CEP57: variants seen among roughly 807,000 people sequenced by gnomAD.
CEP57 encodes the protein centrosomal protein 57, also known as centrosomal protein of 57 kDa.
In CEP57, 40 loss-of-function variants were observed where a neutral mutation model predicts 68.0. That is an observed-to-expected ratio of 0.59 (90% confidence interval 0.46 to 0.77). The LOEUF is 0.77. CEP57 is among the 30% of genes least tolerant of loss of function. The probability of loss-of-function intolerance (pLI) is 0.00; values close to 1 mark genes in which losing one functional copy is unlikely to be tolerated. For missense variants in CEP57, 606 were observed against 580.7 expected (o/e 1.04, Z -0.45); for synonymous variants, 219 against 198.7 (o/e 1.10, Z -0.86).
At chr11:95,808,685 A>G (rs990500639) in intron 2 of CEP57, among the ~76,000 whole-genome samples, 20 of 152,232 alleles carry the variant, frequency 1.3e-4, no homozygotes, top group African/African-American at 4.8e-4. Context: ...CCAATACAGG[A>G]GCACCCAGAT....
At chr11:95,793,591 G>A (rs937493888) in intron 1 of CEP57, among the ~76,000 whole-genome samples, 1 of 151,952 alleles carries the variant, frequency 6.6e-6, no homozygotes, top group Admixed American at 6.6e-5. Flanking sequence ...CCACTACCAC[G>A]TATTTTAAGA....
chr11:95,812,822 C>A, intron 2 of CEP57, 110 bp from the exon 3 acceptor site: 2 of 924,904 alleles, frequency 2.2e-6, no homozygotes, highest in African/African-American at 1.6e-5. Context: ...TGATCCTCCA[C>A]TGGACTCATC....
At chr11:95,793,403 T>C (rs1365169978) in intron 1 of CEP57, among the ~76,000 whole-genome samples, 1 of 15,784 alleles carries the variant, frequency 6.3e-5, no homozygotes, top group Non-Finnish European at 1.2e-4. Flanking sequence ...TCTTGATTTG[T>C]CCCTCTGACT....
Position 95,794,763 on chromosome 11 carries a change from A to G in CEP57, c.45+4020A>G, listed in dbSNP as rs185407279. On this transcript the variant is annotated intron_variant, in intron 1 of 10. Transcript: ENST00000325542. ...TGTTTAAGAAATTCTTCCTTTCTCCAAGGCCTTGGTTGTATTCTTCTATAT... is the reference window on the plus strand; with the variant it reads ...TGTTTAAGAAATTCTTCCTTTCTCCGAGGCCTTGGTTGTATTCTTCTATAT... Among the ~76,000 whole-genome samples, 916 of 151,988 alleles carry G rather than the reference A, an allele frequency of 6.0e-3. 6 individuals are homozygous for G. Among genetic ancestry groups the G allele is most frequent in the Non-Finnish European group, 8.6e-3 (585 of 67,928 alleles).
intron 4 of CEP57, among the ~76,000 whole-genome samples, chr11:95,814,357 A>ATTT (rs1170474932): frequency 4.4e-4 from 48 of 109,918 alleles, no homozygotes; most frequent in Admixed American, 1.5e-3. Context: ...CCTTGTGTGT[A>ATTT]TTTTTTTTTT....
chr11:95,806,879 C>G (rs1196221738), intron 2 of CEP57, among the ~76,000 whole-genome samples: 1 of 152,110 alleles, frequency 6.6e-6, no homozygotes, highest in African/African-American at 2.4e-5. Flanking sequence ...AGTGGTTTTC[C>G]CAGCACGGAG....
intron 2 of CEP57, among the ~76,000 whole-genome samples, chr11:95,800,593 T>C (rs1861535676): frequency 6.6e-6 from 1 of 152,152 alleles, no homozygotes; most frequent in South Asian, 2.1e-4. Context: ...GGTTTCACCA[T>C]GTTGGCCCAG....
At chr11:95,797,230 A>C (rs563646910) in intron 1 of CEP57, among the ~76,000 whole-genome samples, 1 of 138,964 alleles carries the variant, frequency 7.2e-6, no homozygotes, top group Non-Finnish European at 1.5e-5. Context: ...GCAGTGGCCC[A>C]ATCTTGGCTC....
intron 2 of CEP57, among the ~76,000 whole-genome samples, chr11:95,802,289 C>A (rs184527840): frequency 1.4e-5 from 2 of 146,702 alleles, no homozygotes; most frequent in African/African-American, 5.0e-5. Flanking sequence ...CAGTCTCACT[C>A]TGTCACCCAG....
At chr11:95,817,957 A>G (rs1862369600) in intron 5 of CEP57, 54 bp downstream of exon 5, 3 of 1,033,796 alleles carry the variant, frequency 2.9e-6, no homozygotes, top group Non-Finnish European at 4.6e-6. Flanking sequence ...TTTTTTTTTA[A>G]TGTTAATTAT....
In CEP57 at chr11:95,813,150, GTGT is replaced by G. The variant is rs558575617; in HGVS notation, c.382+43_382+45del. The G allele has an allele frequency of 1.4e-4, 214 of 1,570,730 alleles. No homozygotes were observed. The African/African-American group carries it at 2.2e-3, about 16-fold the overall frequency. On this transcript the variant is annotated intron_variant, in intron 3 of 10. Coordinates refer to ENST00000325542, the MANE Select transcript of CEP57 (RefSeq NM_014679.5). ...GAAAATTAAAATTCTATCAAAATAA[GTGT>G]TGTGCAGTATTAAGTATTCTAAAAG...
At chr11:95,808,773 C>T (rs1037160695) in intron 2 of CEP57, among the ~76,000 whole-genome samples, 1 of 152,196 alleles carries the variant, frequency 6.6e-6, no homozygotes, top group African/African-American at 2.4e-5. Flanking sequence ...TAACACCCCA[C>T]TGTCAACATT....
In CEP57 at chr11:95,790,667, G is replaced by A. The variant is rs779482582; in HGVS notation, c.-32G>A. 15 of 1,612,084 alleles carry A rather than the reference G, an allele frequency of 9.3e-6. No individual in the cohort carries two copies. The highest frequency in any genetic ancestry group is 4.5e-5 in the East Asian group (2 of 44,844). ...GAGCACGAGAACCTAGACCGCCCCC[G>A]AAGTGCGGAGACCCCCTGGGCAGGC... On this transcript the variant is annotated 5_prime_UTR_variant, in exon 1 of 11. Coordinates refer to ENST00000325542, the MANE Select transcript of CEP57 (RefSeq NM_014679.5).
In CEP57 at chr11:95,790,621, C is replaced by T. The variant is rs1397379108; in HGVS notation, c.-78C>T. ...TCAGCCTAGGGTCCCCGCTGGTGGG[C>T]GGCTCCCGAGTCTTGGAGAAGAGCA... On this transcript the variant is annotated 5_prime_UTR_variant, in exon 1 of 11. Coordinates refer to ENST00000325542, the MANE Select transcript of CEP57 (RefSeq NM_014679.5). 6 of 1,547,228 alleles carry T rather than the reference C, an allele frequency of 3.9e-6. No individual in the cohort carries two copies. In the Admixed American group the frequency reaches 5.5e-5, roughly 14 times the overall value.
At chr11:95,811,091 A>T (rs989719992) in intron 2 of CEP57, among the ~76,000 whole-genome samples, 3 of 152,220 alleles carry the variant, frequency 2.0e-5, no homozygotes, top group African/African-American at 7.2e-5. Flanking sequence ...CTGGGCATAT[A>T]CCCAAAGGAT....
chr11:95,818,801 A>G, intron 5 of CEP57, 26 bp from the exon 6 acceptor site: 1 of 1,578,996 alleles, frequency 6.3e-7, no homozygotes, highest in Non-Finnish European at 8.7e-7. Context: ...TTTCACCTTT[A>G]TCCCTTTTGA....
intron 4 of CEP57, chr11:95,814,991 A>T (rs1056789643): frequency 3.3e-5 from 5 of 152,244 alleles, no homozygotes; most frequent in Admixed American, 6.5e-5. Context: ...AATGCAATGT[A>T]AATGTTATGT....
At chr11:95,816,923 A>G (rs148630972) in intron 4 of CEP57, among the ~76,000 whole-genome samples, 2,584 of 151,740 alleles carry the variant, frequency 0.017, 38 homozygotes, top group South Asian at 0.064. Flanking sequence ...AGGCAGGAGA[A>G]TTACTTGAAC....
In CEP57 at chr11:95,831,546, T is replaced by C. The variant is rs1863008277; in HGVS notation, c.*290T>C. The C allele has an allele frequency of 9.6e-6, 2 of 208,748 alleles. No homozygotes were observed. Among genetic ancestry groups the C allele is most frequent in the Non-Finnish European group, 1.9e-5 (2 of 104,270 alleles). 12.9% of individuals were successfully genotyped at this position (208,748 alleles called of 1,614,324 possible). On this transcript the variant is annotated 3_prime_UTR_variant, in exon 11 of 11. Transcript: ENST00000325542. ...CTTTGTAAACAGATTACCAGTTTTT[T>C]ACTTGTGGGTGTGATTTTTTAAAAT...
Sources: allele counts gnomAD v4.1 joint callset (sites outside exome capture counted in the v4.1 genomes callset), GRCh38; gene constraint gnomAD v4.1.1; transcripts MANE v1.5; gene names NCBI Gene and HGNC (gene_info 2026-07-23, HGNC 2026-07-21).